Variants in NIBAN1 observed in about 807,000 individuals in gnomAD.
NIBAN1 encodes niban apoptosis regulator 1, also known as protein Niban 1.
NIBAN1 carries 81 observed loss-of-function variants against 75.1 expected under a neutral mutation model. That is an observed-to-expected ratio of 1.08 (90% CI 0.90 to 1.30). NIBAN1 has a LOEUF of 1.30. NIBAN1 is among the 50% of genes most tolerant of loss of function. The pLI is 0.00. For missense variants in NIBAN1, 1,133 were observed against 1,128.1 expected, an observed-to-expected ratio of 1.00 and a Z score of -0.06; for synonymous variants, 436 against 424.8, an observed-to-expected ratio of 1.03 and a Z score of -0.32.
intron 1 of NIBAN1, among the ~76,000 whole-genome samples, chr1:184,935,961 C>A (rs1208675557): frequency 6.8e-6 from 1 of 146,398 alleles, no homozygotes; most frequent in African/African-American, 2.5e-5. Context: ...GAGAGAGTTG[C>A]AGGATTTCAG....
At chr1:184,797,290 C>T (rs1653900626) in intron 13 of NIBAN1, among the ~76,000 whole-genome samples, 1 of 151,992 alleles carries the variant, frequency 6.6e-6, no homozygotes, top group African/African-American at 2.4e-5. Context: ...CAGGTGTACA[C>T]CACCATGCCC....
intron 2 of NIBAN1, among the ~76,000 whole-genome samples, chr1:184,898,342 T>C (rs1656858409): frequency 6.6e-6 from 1 of 152,134 alleles, no homozygotes; most frequent in African/African-American, 2.4e-5. Context: ...AGGCTGGGCG[T>C]GGTGGCTCAC....
chr1:184,912,352 G>A (rs1280079781), intron 1 of NIBAN1, among the ~76,000 whole-genome samples: 1 of 152,078 alleles, frequency 6.6e-6, no homozygotes, highest in East Asian at 1.9e-4. Context: ...ATATATACAA[G>A]TTTCTCTACT....
At chr1:184,939,094 A>T (rs115892028) in intron 1 of NIBAN1, among the ~76,000 whole-genome samples, 3 of 152,250 alleles carry the variant, frequency 2.0e-5, no homozygotes, top group Non-Finnish European at 4.4e-5. Flanking sequence ...TTCATTCAAC[A>T]TTCAACAAAT....
At chr1:184,826,696 T>C (rs929220983) in intron 6 of NIBAN1, among the ~76,000 whole-genome samples, 11 of 152,220 alleles carry the variant, frequency 7.2e-5, no homozygotes, top group Admixed American at 2.6e-4. Flanking sequence ...AAATGCTATA[T>C]ATAAAGGCCA....
intron 5 of NIBAN1, among the ~76,000 whole-genome samples, chr1:184,861,505 A>G (rs1030315067): frequency 6.6e-6 from 1 of 151,238 alleles, no homozygotes; most frequent in Admixed American, 6.6e-5. Context: ...AAGAGGAAAG[A>G]AGACAGGAAG....
Position 184,974,417 on chromosome 1 carries a change from T to C in NIBAN1, c.-61A>G. 6.6e-7 allele frequency: 1 copy of C among 1,514,884 alleles called. No individual in the cohort carries two copies. The highest frequency in any genetic ancestry group is 8.8e-7 in the Non-Finnish European group (1 of 1,136,150). 93.8% of individuals were successfully genotyped at this position (1,514,884 alleles called of 1,614,324 possible). A position where few individuals can be genotyped will look rare whatever the true frequency, so the allele number is the denominator to read the frequency against. On this transcript the variant is annotated 5_prime_UTR_variant, in exon 1 of 14. Transcript: ENST00000367511. ...CCGGTCCGCGCCCGCTGCTAGCTCC[T>C]GGAGGTTGATCCGACGGCGAACCCG...
chr1:184,926,885 G>A (rs1380728131), intron 1 of NIBAN1, among the ~76,000 whole-genome samples: 2 of 151,952 alleles, frequency 1.3e-5, no homozygotes, highest in Admixed American at 6.6e-5. Context: ...TTTTCAAACA[G>A]CCTGTCTTCA....
chr1:184,923,822 G>A (rs906609082), intron 1 of NIBAN1, among the ~76,000 whole-genome samples: 5 of 151,954 alleles, frequency 3.3e-5, no homozygotes, highest in Non-Finnish European at 5.9e-5. Context: ...AATTTTATTA[G>A]CATCTATTAT....
intron 1 of NIBAN1, among the ~76,000 whole-genome samples, chr1:184,904,599 C>T (rs1657041881): frequency 6.6e-6 from 1 of 152,088 alleles, no homozygotes; most frequent in Admixed American, 6.6e-5. Context: ...ATTCCATTTC[C>T]TTTTCCCCAT....
chr1:184,919,426 T>G (rs995218951), intron 1 of NIBAN1, among the ~76,000 whole-genome samples: 13 of 152,170 alleles, frequency 8.5e-5, no homozygotes, highest in African/African-American at 2.7e-4. Context: ...AGTTTTGAGG[T>G]GAATATTTAG....
rs1053226711 is a variant in NIBAN1 at position 184,827,958 on chromosome 1, T to G, written c.717+3889A>C. On this transcript the variant is annotated intron_variant, in intron 6 of 13. Coordinates refer to ENST00000367511, the MANE Select transcript of NIBAN1 (RefSeq NM_052966.4). ...CTAAAAATGCGGGTAGTTTTGTTTT[T>G]TGTTTTTTTTTTTTTTTTCCGTCTT... is the stretch of plus-strand genomic sequence containing the variant. Among the ~76,000 whole-genome samples, 40 of 150,066 alleles carry G rather than the reference T, an allele frequency of 2.7e-4. 1 individual carries two copies. Among genetic ancestry groups the G allele is most frequent in the South Asian group, 1.5e-3 (7 of 4,724 alleles).
chr1:184,880,673 G>A (rs978582468), intron 5 of NIBAN1, among the ~76,000 whole-genome samples: 3 of 152,150 alleles, frequency 2.0e-5, no homozygotes, highest in Admixed American at 6.6e-5. Flanking sequence ...GACTTGCATC[G>A]ATAATGATCA....
chr1:184,958,722 GAT>G (rs1658554025), intron 1 of NIBAN1, among the ~76,000 whole-genome samples: 1 of 152,148 alleles, frequency 6.6e-6, no homozygotes, highest in Non-Finnish European at 1.5e-5. Context: ...GTTAGGAACT[GAT>G]ATCTCACTTG....
chr1:184,943,525 A>T (rs1339078998), intron 1 of NIBAN1, among the ~76,000 whole-genome samples: 2 of 152,166 alleles, frequency 1.3e-5, no homozygotes, highest in Non-Finnish European at 2.9e-5. Flanking sequence ...GCTGAATGAC[A>T]CAGGAAAAAA....
chr1:184,871,401 A>C (rs920696475), intron 5 of NIBAN1, among the ~76,000 whole-genome samples: 3 of 151,732 alleles, frequency 2.0e-5, no homozygotes, highest in Non-Finnish European at 4.4e-5. Context: ...AGACACATAC[A>C]TAGGGAAAAT....
At chr1:184,953,533 C>A (rs1658409771) in intron 1 of NIBAN1, among the ~76,000 whole-genome samples, 1 of 152,116 alleles carries the variant, frequency 6.6e-6, no homozygotes, top group Non-Finnish European at 1.5e-5. Context: ...ATGAACAATG[C>A]AGAAATTTAA....
chr1:184,804,635 C>T (rs150864361), intron 11 of NIBAN1, among the ~76,000 whole-genome samples: 153 of 152,192 alleles, frequency 1.0e-3, no homozygotes, highest in African/African-American at 3.5e-3. Context: ...AACCTGAGGT[C>T]CTAATATTTC....
intron 5 of NIBAN1, among the ~76,000 whole-genome samples, chr1:184,879,344 G>A (rs1178090457): frequency 1.3e-5 from 2 of 152,140 alleles, no homozygotes; most frequent in African/African-American, 4.8e-5. Flanking sequence ...CTAAGTAAAA[G>A]TTAGAATTTT....
Sources: gnomAD v4.1 joint callset for allele counts (sites outside exome capture counted in the v4.1 genomes callset) on GRCh38, gnomAD v4.1.1 for gene constraint, MANE v1.5 for transcripts, NCBI Gene and HGNC (gene_info 2026-07-23, HGNC 2026-07-21) for gene names.